Variants in DCDC1 observed in about 807,000 individuals in gnomAD.
The protein encoded by DCDC1 is doublecortin domain-containing protein 1.
Under a neutral mutation model 178.3 loss-of-function variants are expected in DCDC1, and 200 were observed. The ratio of observed to expected loss-of-function variants is 1.12; its 90% CI spans 1.00 to 1.26. DCDC1 has a LOEUF of 1.26. Among genes scored for constraint, DCDC1 ranks in the 50% most tolerant of loss-of-function variants. The pLI is 0.00. For missense variants in DCDC1, 1,983 were observed against 1,749.2 expected, an observed-to-expected ratio of 1.13 and a Z score of -2.38; for synonymous variants, 690 against 604.8, an observed-to-expected ratio of 1.14 and a Z score of -2.07.
At position 31,208,283 on chromosome 11, in the gene DCDC1, T is replaced by C. The variant is rs889040107; in HGVS notation, c.1221+33167A>G. ...TTCTTTATTCAGTAAATGGAGCCAA[T>C]GTTTTTGGCTCAGGCTAACCCCAGA... On this transcript the variant is annotated intron_variant, in intron 9 of 38. Transcript: ENST00000684477. Among the ~76,000 whole-genome samples the C allele has an allele frequency of 3.9e-5, 6 of 152,316 alleles. No individual in the cohort carries two copies. The South Asian group carries it at 6.2e-4, about 16-fold the overall frequency.
In DCDC1 at chr11:30,952,503, G is replaced by A. The variant is rs758803214; in HGVS notation, c.2657C>T (p.Pro886Leu). 41 of 1,587,908 alleles carry A rather than the reference G, an allele frequency of 2.6e-5. No individual in the cohort carries two copies. Among genetic ancestry groups the A allele is most frequent in the Non-Finnish European group, 3.5e-5 (41 of 1,172,072 alleles). ...GQWKHSRVENPLWNKLTYMWP... is the reference protein window; with the variant it reads ...GQWKHSRVENLLWNKLTYMWP... ...CATGTAGGTAAGCTTGTTCCATAGA[G>A]GATTTTCAACTCTAGAATGTTTCCA... is the stretch of plus-strand genomic sequence containing the variant. The change falls in exon 21 of 39, where the codon CCT becomes CTT. Residue 886 changes from proline to leucine, a missense_variant. By Grantham distance (98) the Pro-to-Leu change is moderately conservative (BLOSUM62 -3). Transcript: ENST00000684477.
intron 20 of DCDC1, among the ~76,000 whole-genome samples, chr11:31,052,205 T>C (rs1955303717): frequency 6.6e-6 from 1 of 152,210 alleles, no homozygotes; most frequent in Admixed American, 6.5e-5. Context: ...GTAGCTATTC[T>C]TGTATCAGAC....
chr11:31,154,226 T>C (rs1436421067), intron 9 of DCDC1, among the ~76,000 whole-genome samples: 1 of 152,230 alleles, frequency 6.6e-6, no homozygotes, highest in Non-Finnish European at 1.5e-5. Context: ...CCTATGGAAC[T>C]GTGAGTCAAT....
rs163866 is a variant in DCDC1 at position 30,963,369 on chromosome 11, A to G, written c.2592-10801T>C. 4.1e-3 allele frequency among the ~76,000 whole-genome samples: 626 copies of G among 152,258 alleles called. 1 individual carries two copies. Among genetic ancestry groups the G allele is most frequent in the African/African-American group, 0.015 (608 of 41,558 alleles). On this transcript the variant is annotated intron_variant, in intron 20 of 38. Coordinates refer to ENST00000684477, the MANE Select transcript of DCDC1 (RefSeq NM_001387274.1). ...ATTTTGCTTAAAGTGCTTAAAGTCCATATCAGACAGAAACAGTTAATTCCC... is the reference window on the plus strand; with the variant it reads ...ATTTTGCTTAAAGTGCTTAAAGTCCGTATCAGACAGAAACAGTTAATTCCC...
chr11:31,232,144 G>T (rs1975848526), intron 9 of DCDC1, among the ~76,000 whole-genome samples: 1 of 152,262 alleles, frequency 6.6e-6, no homozygotes, highest in African/African-American at 2.4e-5. Flanking sequence ...ACAGTGACAG[G>T]ATACTCTGGA....
intron 9 of DCDC1, among the ~76,000 whole-genome samples, chr11:31,236,051 T>C (rs111952830): frequency 6.6e-6 from 1 of 152,076 alleles, no homozygotes; most frequent in Non-Finnish European, 1.5e-5. Context: ...CTAAGAGAAT[T>C]AGAGAAAAAC....
rs1192541890 is a variant in DCDC1 at position 31,110,277 on chromosome 11, C to T, written c.1570G>A (p.Asp524Asn). The T allele has an allele frequency of 1.4e-6, 1 of 716,290 alleles. No homozygotes were observed. 44.4% of individuals were successfully genotyped at this position (716,290 alleles called of 1,614,324 possible). A position where few individuals can be genotyped will look rare whatever the true frequency, so the allele number is the denominator to read the frequency against. ...DLGSDSPIQT[D>N]HMMERLLLKI... ...AAACTCACTCTTTCCATCATATGGT[C>T]AGTTTGAATTGGGCTATCCGATCCC... Residue 524 changes from aspartate to asparagine, a missense_variant, in exon 12 of 39, where the codon GAC (aspartate) becomes AAC (asparagine). Physicochemically the swap from Asp to Asn is conservative, Grantham distance 23. Coordinates refer to ENST00000684477, the MANE Select transcript of DCDC1 (RefSeq NM_001387274.1).
chr11:30,975,964 A>G (rs1247826841), intron 20 of DCDC1, among the ~76,000 whole-genome samples: 2 of 152,062 alleles, frequency 1.3e-5, no homozygotes, highest in Non-Finnish European at 2.9e-5. Flanking sequence ...AAAATATATT[A>G]CAAGGCTACA....
At chr11:30,879,217 G>A (rs1187739698) in intron 37 of DCDC1, among the ~76,000 whole-genome samples, 1 of 152,092 alleles carries the variant, frequency 6.6e-6, no homozygotes, top group East Asian at 1.9e-4. Flanking sequence ...AGTTATCATA[G>A]AGTGCTTTTG....
chr11:31,333,203 C>A (rs1449342038), intron 2 of DCDC1, among the ~76,000 whole-genome samples: 2 of 152,056 alleles, frequency 1.3e-5, no homozygotes, highest in Admixed American at 6.6e-5. Context: ...AGGTTTGCAA[C>A]CCCTGCTCTT....
At chr11:31,145,660 C>T (rs1385199304) in intron 9 of DCDC1, among the ~76,000 whole-genome samples, 2 of 152,172 alleles carry the variant, frequency 1.3e-5, no homozygotes, top group African/African-American at 2.4e-5. Context: ...GTATGCGGGA[C>T]TGGCCTCACT....
At position 31,341,620 on chromosome 11, in the gene DCDC1, C is replaced by T. The variant is rs549599411; in HGVS notation, c.-124-6056G>A. Among the ~76,000 whole-genome samples, 6 of 151,968 alleles carry T rather than the reference C, an allele frequency of 3.9e-5. No homozygotes were observed. In the East Asian group the frequency reaches 7.7e-4, roughly 20 times the overall value. ...TACAGCATGTAACTGTGTAGAACACCGTAGGCAATTTTAACACTATAGTAA... is the reference window on the plus strand; with the variant it reads ...TACAGCATGTAACTGTGTAGAACACTGTAGGCAATTTTAACACTATAGTAA... On this transcript the variant is annotated intron_variant, in intron 1 of 38. Transcript: ENST00000684477.
intron 9 of DCDC1, among the ~76,000 whole-genome samples, chr11:31,158,177 C>T (rs1002367711): frequency 5.3e-5 from 8 of 152,114 alleles, no homozygotes; most frequent in African/African-American, 1.4e-4. Flanking sequence ...GGCGCAATCT[C>T]GGCTCACTGC....
intron 21 of DCDC1, among the ~76,000 whole-genome samples, chr11:30,942,118 A>G (rs1947691214): frequency 6.6e-6 from 1 of 152,198 alleles, no homozygotes. Context: ...GTTTATTTAG[A>G]TAAGTGTCTG....
intron 20 of DCDC1, among the ~76,000 whole-genome samples, chr11:30,957,249 AG>A (rs776760379): frequency 5.3e-5 from 8 of 152,106 alleles, no homozygotes; most frequent in Non-Finnish European, 1.0e-4. Flanking sequence ...CATGGAAAAA[AG>A]AACCCTCTCT....
chr11:31,013,451 T>C (rs290092), intron 20 of DCDC1, among the ~76,000 whole-genome samples: 2,061 of 152,272 alleles, frequency 0.014, 51 homozygotes, highest in African/African-American at 0.048. Flanking sequence ...GCTCAGTAAA[T>C]GTTGTTACAC....
intron 11 of DCDC1, among the ~76,000 whole-genome samples, chr11:31,115,133 G>A (rs900749822): frequency 2.0e-5 from 3 of 152,142 alleles, no homozygotes; most frequent in African/African-American, 7.2e-5. Context: ...ACATTTTATT[G>A]ACTGTGAAGA....
At chr11:30,961,115 A>C (rs1278547701) in intron 20 of DCDC1, among the ~76,000 whole-genome samples, 1 of 152,146 alleles carries the variant, frequency 6.6e-6, no homozygotes, top group Non-Finnish European at 1.5e-5. Flanking sequence ...AATCTTTTAA[A>C]GTAATGGAAA....
At chr11:31,211,773 C>T (rs1972562237) in intron 9 of DCDC1, among the ~76,000 whole-genome samples, 3 of 152,020 alleles carry the variant, frequency 2.0e-5, no homozygotes, top group African/African-American at 7.3e-5. Context: ...TCCAGGTTAA[C>T]TTACTGAGCT....
Sources: gnomAD v4.1 joint callset for allele counts (sites outside exome capture counted in the v4.1 genomes callset) on GRCh38, gnomAD v4.1.1 for gene constraint, MANE v1.5 for transcripts, NCBI Gene and HGNC (gene_info 2026-07-23, HGNC 2026-07-21) for gene names.